The following CAMSAP2 variants were observed in gnomAD, a reference collection of about 807,000 sequenced individuals.
CAMSAP2 encodes calmodulin regulated spectrin associated protein family member 2.
CAMSAP2 carries 26 observed loss-of-function variants against 146.1 expected under a neutral mutation model. That is an observed-to-expected ratio of 0.18 (90% CI 0.13 to 0.25). The LOEUF (loss-of-function observed/expected upper bound fraction) is 0.25, where lower values mean the gene tolerates loss of function less well. CAMSAP2 is among the 10% of genes least tolerant of loss of function. The pLI, the probability that CAMSAP2 is intolerant of heterozygous loss-of-function variation, is 1.00. For missense variants in CAMSAP2, 1,381 were observed against 1,759.3 expected (o/e 0.78, Z 3.85); for synonymous variants, 499 against 596.6 (o/e 0.84, Z 2.38).
chr1:200,746,309 A>G (rs941760500), intron 1 of CAMSAP2, among the ~76,000 whole-genome samples: 1 of 152,184 alleles, frequency 6.6e-6, no homozygotes, highest in Non-Finnish European at 1.5e-5. Context: ...AGTGGTGGGT[A>G]TGGAAAGAAG....
At chr1:200,778,987 A>G (rs1665359833) in intron 2 of CAMSAP2, among the ~76,000 whole-genome samples, 1 of 152,176 alleles carries the variant, frequency 6.6e-6, no homozygotes, top group Admixed American at 6.5e-5. Context: ...GACCTGAACA[A>G]ATCGTGGAAG....
chr1:200,817,092 A>G (rs1171797864), intron 4 of CAMSAP2, among the ~76,000 whole-genome samples: 22 of 143,968 alleles, frequency 1.5e-4, no homozygotes, highest in African/African-American at 5.1e-4. Flanking sequence ...ACACACACGT[A>G]TATATGTATA....
At chr1:200,847,996 A>AT (rs755592725) in intron 10 of CAMSAP2, 36 bp from the exon 11 acceptor site, 18 of 1,352,234 alleles carry the variant, frequency 1.3e-5, no homozygotes, top group Non-Finnish European at 1.8e-5. Context: ...CATTTCTAGG[A>AT]TTTTTAAAGG....
At position 200,832,459 on chromosome 1, in the gene CAMSAP2, C is replaced by T. The variant is rs1314294255; in HGVS notation, c.787+118C>T. ...GTGGGACCCTGTCTCAAAAAAAAGA[C>T]AATATTATTTAATAAGTACTGAAGA... On this transcript the variant is annotated intron_variant, in intron 5 of 16. Coordinates refer to ENST00000358823, the MANE Select transcript of CAMSAP2 (RefSeq NM_203459.4). The surrounding 1 kb of genome is among the most constrained non-coding windows in gnomAD (Gnocchi z 4.2). 8.2e-6 allele frequency: 8 copies of T among 979,174 alleles called. No individual in the cohort carries two copies. In the East Asian group the frequency reaches 2.0e-4, roughly 24 times the overall value. The allele number at this position is 979,174 out of a possible 1,614,324, so 60.7% of individuals were successfully genotyped here.
At chr1:200,777,085 C>T (rs1395201929) in intron 2 of CAMSAP2, among the ~76,000 whole-genome samples, 3 of 152,120 alleles carry the variant, frequency 2.0e-5, no homozygotes, top group Admixed American at 1.3e-4. Context: ...CAACCTTTCT[C>T]CTGAGGGAGT....
chr1:200,812,186 A>G lies in CAMSAP2; in HGVS notation c.562-3375A>G, dbSNP rs145058916. On this transcript the variant is annotated intron_variant, in intron 3 of 16. Transcript: ENST00000358823. Reference sequence around the variant, plus strand: ...AATAGTCTATGTGAGGATAGGTACAATGAACTTTTTATTTCTAGTGCCTAC... The same window carrying G: ...AATAGTCTATGTGAGGATAGGTACAGTGAACTTTTTATTTCTAGTGCCTAC... Among the ~76,000 whole-genome samples, 696 of 152,326 alleles carry G rather than the reference A, an allele frequency of 4.6e-3. 8 individuals are homozygous for G. The highest frequency in any genetic ancestry group is 0.016 in the African/African-American group (664 of 41,568).
At chr1:200,844,093 A>C (rs1204980604) in intron 7 of CAMSAP2, among the ~76,000 whole-genome samples, 2 of 151,812 alleles carry the variant, frequency 1.3e-5, no homozygotes, top group African/African-American at 4.8e-5. Context: ...GGATGGTCTC[A>C]ATCTCCTGAC....
chr1:200,760,434 A>C (rs1456895568), intron 1 of CAMSAP2, among the ~76,000 whole-genome samples: 1 of 152,230 alleles, frequency 6.6e-6, no homozygotes, highest in Non-Finnish European at 1.5e-5. Flanking sequence ...GGCAAGGACT[A>C]GCAGTCTCCT....
At chr1:200,750,971 C>T (rs971889583) in intron 1 of CAMSAP2, among the ~76,000 whole-genome samples, 9 of 144,254 alleles carry the variant, frequency 6.2e-5, no homozygotes, top group Middle Eastern at 3.6e-3. Context: ...GGCACGATCT[C>T]GGCTCACTGC....
At chr1:200,835,375 A>G (rs1001510586) in intron 6 of CAMSAP2, among the ~76,000 whole-genome samples, 6 of 152,228 alleles carry the variant, frequency 3.9e-5, no homozygotes, top group Non-Finnish European at 5.9e-5. Flanking sequence ...TGTTTGAAAA[A>G]TATTTTAGCG....
At chr1:200,851,887 A>G (rs191554945) in intron 11 of CAMSAP2, among the ~76,000 whole-genome samples, 7 of 152,334 alleles carry the variant, frequency 4.6e-5, no homozygotes, top group Admixed American at 3.3e-4. Flanking sequence ...GCATTTTGGA[A>G]GCCCGCTGAG....
intron 8 of CAMSAP2, among the ~76,000 whole-genome samples, chr1:200,846,433 A>G (rs1667461486): frequency 6.6e-6 from 1 of 152,180 alleles, no homozygotes; most frequent in South Asian, 2.1e-4. Context: ...TGTCTCTCAG[A>G]CATCTCAGCA....
chr1:200,846,214 T>G (rs1468124432), intron 8 of CAMSAP2, among the ~76,000 whole-genome samples: 1 of 152,196 alleles, frequency 6.6e-6, no homozygotes, highest in East Asian at 1.9e-4. Context: ...GACATTTCCT[T>G]CCTTGAAGAT....
intron 2 of CAMSAP2, among the ~76,000 whole-genome samples, chr1:200,768,332 G>T (rs1665014729): frequency 6.6e-6 from 1 of 152,154 alleles, no homozygotes. Context: ...GTGACCCTCA[G>T]GTCAAAGGAA....
Position 200,848,420 on chromosome 1 carries a change from G to A in CAMSAP2, c.1651G>A (p.Asp551Asn), listed in dbSNP as rs374350327. 1.3e-5 allele frequency: 21 copies of A among 1,613,782 alleles called. No individual in the cohort carries two copies. The highest frequency in any genetic ancestry group is 1.8e-5 in the Non-Finnish European group (21 of 1,179,952). ...SIEEALQIIH[D>N]TEKSPHTPQP... ...TGAAGAAGCATTACAAATAATTCAT[G>A]ATACTGAAAAATCTCCTCATACACC... Residue 551 changes from aspartate (D) to asparagine (N), a missense_variant, in exon 11 of 17, where the codon GAT becomes AAT. By Grantham distance (23) the Asp-to-Asn change is conservative. This residue lies in a region of CAMSAP2 where 447 missense variants were observed against 462.2 expected (regional missense o/e 0.97). Transcript: ENST00000358823.
Position 200,853,208 on chromosome 1 carries a change from A to C in CAMSAP2, c.3603-67A>C. 4 of 1,357,554 alleles carry C rather than the reference A, an allele frequency of 2.9e-6. No homozygotes were observed. In the South Asian group the frequency reaches 5.0e-5, roughly 17 times the overall value. The allele number at this position is 1,357,554 out of a possible 1,614,324, so 84.1% of individuals were successfully genotyped here. Reference sequence around the variant, plus strand: ...AATTCTCCTTTCTCATATCAAATACATAACTCTCTCCTGTATGGTTTGTCT... The same window carrying C: ...AATTCTCCTTTCTCATATCAAATACCTAACTCTCTCCTGTATGGTTTGTCT... On this transcript the variant is annotated intron_variant, in intron 12 of 16. Coordinates refer to ENST00000358823, the MANE Select transcript of CAMSAP2 (RefSeq NM_203459.4). This position sits in a 1 kb window ranked among gnomAD's most constrained non-coding sequence, Gnocchi z 5.1.
At chr1:200,809,877 G>A (rs571333567) in intron 3 of CAMSAP2, among the ~76,000 whole-genome samples, 3 of 152,306 alleles carry the variant, frequency 2.0e-5, no homozygotes, top group Non-Finnish European at 4.4e-5. Flanking sequence ...TGGGGACTCT[G>A]CAGAGTCCTG....
intron 2 of CAMSAP2, among the ~76,000 whole-genome samples, chr1:200,781,103 A>G (rs145590067): frequency 1.7e-3 from 255 of 152,296 alleles, no homozygotes; most frequent in African/African-American, 6.1e-3. Flanking sequence ...GGTTATTTTT[A>G]TATGATAAAG....
chr1:200,814,125 A>AAAAAGGGGGG (rs1558188973), intron 3 of CAMSAP2, among the ~76,000 whole-genome samples: 1 of 3,972 alleles, frequency 2.5e-4, no homozygotes, highest in African/African-American at 1.1e-3. Flanking sequence ...AAAAAAAAAA[A>AAAAAGGGGGG]GGTGGCGGGG....
Sources: allele counts gnomAD v4.1 joint callset (sites outside exome capture counted in the v4.1 genomes callset), GRCh38; gene constraint gnomAD v4.1.1; regional missense constraint gnomAD v4.1.1; non-coding constraint Gnocchi (gnomAD v3.1); transcripts MANE v1.5; gene names NCBI Gene and HGNC (gene_info 2026-07-23, HGNC 2026-07-21).